The following DDX10 variants were observed in gnomAD, a reference collection of about 807,000 sequenced individuals.
The protein encoded by DDX10 is DEAD-box helicase 10, also known as probable ATP-dependent RNA helicase DDX10.
Under a neutral mutation model 104.3 loss-of-function variants are expected in DDX10, and 74 were observed. The observed-to-expected ratio is 0.71, with a 90% CI of 0.59 to 0.86. DDX10 has a LOEUF of 0.86. Ranked by LOEUF, DDX10 falls within the 40% of genes least tolerant of loss-of-function variation. The pLI, the probability that DDX10 is intolerant of heterozygous loss-of-function variation, is 0.00. For synonymous variants in DDX10, 351 were observed against 353.4 expected (o/e 0.99, Z 0.08); for missense variants, 952 against 1,040.0 (o/e 0.92, Z 1.16).
chr11:108,909,204 G>A (rs778401719), intron 16 of DDX10, among the ~76,000 whole-genome samples: 8 of 152,228 alleles, frequency 5.3e-5, no homozygotes, highest in Admixed American at 6.5e-5. Context: ...CCCTGGAAGG[G>A]AAGGGTGGCT....
chr11:108,905,454 C>CT (rs974878397), intron 16 of DDX10, among the ~76,000 whole-genome samples: 15 of 151,442 alleles, frequency 9.9e-5, no homozygotes, highest in African/African-American at 3.2e-4. Flanking sequence ...TGGGGGAGTC[C>CT]TTTTTTTTCA....
chr11:108,775,134 C>A (rs139461458), intron 13 of DDX10, among the ~76,000 whole-genome samples: 1 of 152,104 alleles, frequency 6.6e-6, no homozygotes, highest in Non-Finnish European at 1.5e-5. Flanking sequence ...GCATCCTATT[C>A]TGAAAGAAGT....
intron 1 of DDX10, among the ~76,000 whole-genome samples, chr11:108,671,798 G>A (rs1036737404): frequency 1.3e-5 from 2 of 152,002 alleles, no homozygotes; most frequent in Non-Finnish European, 2.9e-5. Context: ...AGAATATGGC[G>A]CCTGTAATCC....
At chr11:108,752,972 A>G (rs2094340485) in intron 13 of DDX10, among the ~76,000 whole-genome samples, 1 of 152,116 alleles carries the variant, frequency 6.6e-6, no homozygotes, top group Admixed American at 6.6e-5. Flanking sequence ...AATATGTGCT[A>G]AATAAATATT....
At chr11:108,878,500 C>A (rs1360014766) in intron 16 of DDX10, among the ~76,000 whole-genome samples, 2 of 152,062 alleles carry the variant, frequency 1.3e-5, no homozygotes, top group Admixed American at 1.3e-4. Flanking sequence ...TTTTCTTTCC[C>A]TAATGTGGCA....
intron 8 of DDX10, among the ~76,000 whole-genome samples, chr11:108,692,965 T>A (rs1253033357): frequency 6.6e-6 from 1 of 152,218 alleles, no homozygotes; most frequent in East Asian, 1.9e-4. Context: ...GTTACATAGG[T>A]ATACATGTGC....
At chr11:108,852,108 AC>A in intron 15 of DDX10, 44 bp from the exon 16 acceptor site, 6 of 1,452,278 alleles carry the variant, frequency 4.1e-6, no homozygotes, top group Non-Finnish European at 5.7e-6. Flanking sequence ...TCTGTTTTAT[AC>A]CTAATTATAT....
rs538555952 is a variant in DDX10, at chr11:108,749,865, A to G, written c.1965+26403A>G. 2.7e-3 allele frequency among the ~76,000 whole-genome samples: 414 copies of G among 152,250 alleles called. 1 individual carries two copies. The highest frequency in any genetic ancestry group is 4.7e-3 in the Non-Finnish European group (318 of 67,992). On this transcript the variant is annotated intron_variant, in intron 13 of 17. Transcript: ENST00000322536. ...AGGTAAAACAAGTGTTTATAGCTGT[A>G]TTTTACTGAAATTTTACATGTAATT...
At chr11:108,705,262 G>T (rs1278100069) in intron 9 of DDX10, among the ~76,000 whole-genome samples, 3 of 152,010 alleles carry the variant, frequency 2.0e-5, no homozygotes, top group African/African-American at 7.3e-5. Context: ...CTCCTTTGTA[G>T]TACCTTATTC....
chr11:108,928,579 G>C (rs971421517), intron 17 of DDX10, among the ~76,000 whole-genome samples: 2 of 152,178 alleles, frequency 1.3e-5, no homozygotes, highest in Non-Finnish European at 2.9e-5. Flanking sequence ...GGGGAAAACT[G>C]TGGGTTTGGG....
At chr11:108,804,266 G>A (rs1862065995) in intron 13 of DDX10, among the ~76,000 whole-genome samples, 2 of 152,076 alleles carry the variant, frequency 1.3e-5, no homozygotes, top group South Asian at 4.2e-4. Context: ...GAGAGGCCGA[G>A]GAGGGAGGAT....
Position 108,862,217 on chromosome 11 carries a change from T to A in DDX10, c.2304+10008T>A, listed in dbSNP as rs958301162. On this transcript the variant is annotated intron_variant, in intron 16 of 17. Coordinates refer to ENST00000322536, the MANE Select transcript of DDX10 (RefSeq NM_004398.4). Reference sequence around the variant, plus strand: ...ATTTTTATTTTTGATAGAAACAGGATCTCTCTATGTTGACTAGGCTGGTCA... The same window carrying A: ...ATTTTTATTTTTGATAGAAACAGGAACTCTCTATGTTGACTAGGCTGGTCA... Among the ~76,000 whole-genome samples the A allele has an allele frequency of 2.6e-5, 4 of 152,202 alleles. No homozygotes were observed. In the South Asian group the frequency reaches 8.3e-4, roughly 32 times the overall value.
chr11:108,812,200 A>G (rs1470920765), intron 13 of DDX10, among the ~76,000 whole-genome samples: 4 of 152,202 alleles, frequency 2.6e-5, no homozygotes, highest in Non-Finnish European at 5.9e-5. Flanking sequence ...TAGACAACAA[A>G]ATCAATAACT....
intron 13 of DDX10, among the ~76,000 whole-genome samples, chr11:108,811,636 G>C (rs1172383619): frequency 6.6e-6 from 1 of 152,024 alleles, no homozygotes; most frequent in Non-Finnish European, 1.5e-5. Flanking sequence ...TGAACATAAT[G>C]TTATAACCTT....
At chr11:108,684,971 A>G in intron 6 of DDX10, among the ~76,000 whole-genome samples, 1 of 135,922 alleles carries the variant, frequency 7.4e-6, no homozygotes, top group Admixed American at 7.5e-5. Flanking sequence ...GCATTTCTTC[A>G]TGTGTTTTTT....
chr11:108,726,080 T>C (rs374327004), intron 13 of DDX10, among the ~76,000 whole-genome samples: 1 of 152,044 alleles, frequency 6.6e-6, no homozygotes, highest in South Asian at 2.1e-4. Flanking sequence ...TGAAAGTCAG[T>C]TGACTTTCAA....
intron 10 of DDX10, among the ~76,000 whole-genome samples, chr11:108,714,357 C>A (rs1379604183): frequency 6.7e-6 from 1 of 149,276 alleles, no homozygotes; most frequent in East Asian, 2.1e-4. Context: ...ACTCACCTCT[C>A]TCTTTCCTGT....
intron 13 of DDX10, among the ~76,000 whole-genome samples, chr11:108,804,333 A>C (rs944257723): frequency 2.0e-5 from 3 of 151,766 alleles, no homozygotes; most frequent in African/African-American, 7.3e-5. Flanking sequence ...CCCCATCTGT[A>C]CAAAACAATA....
intron 16 of DDX10, among the ~76,000 whole-genome samples, chr11:108,854,689 A>G (rs1407537893): frequency 2.0e-5 from 3 of 151,894 alleles, no homozygotes. Flanking sequence ...TGCAGCAAAC[A>G]TCATTTTATT....
Sources: allele counts gnomAD v4.1 joint callset (sites outside exome capture counted in the v4.1 genomes callset), GRCh38; gene constraint gnomAD v4.1.1; transcripts MANE v1.5; gene names NCBI Gene and HGNC (gene_info 2026-07-23, HGNC 2026-07-21).